GMCL1: variants seen among roughly 807,000 people sequenced by gnomAD.
The protein encoded by GMCL1 is germ cell-less protein-like 1.
In GMCL1, 54 loss-of-function variants were observed where a neutral mutation model predicts 75.5. That is an observed-to-expected ratio of 0.71 (90% confidence interval 0.57 to 0.90). GMCL1 has a LOEUF of 0.90. Ranked by LOEUF, GMCL1 falls within the 40% of genes least tolerant of loss-of-function variation. The pLI is 0.00. For missense variants in GMCL1, 537 were observed against 622.7 expected (o/e 0.86, Z 1.47); for synonymous variants, 210 against 209.6 (o/e 1.00, Z -0.02).
intron 6 of GMCL1, among the ~76,000 whole-genome samples, chr2:69,845,468 G>T (rs1030741490): frequency 6.6e-6 from 1 of 152,186 alleles, no homozygotes; most frequent in Non-Finnish European, 1.5e-5. Context: ...AGAGATGGGG[G>T]CCTTGGTATG....
At chr2:69,844,249 C>T in intron 6 of GMCL1, 53 bp downstream of exon 6, 2 of 1,037,634 alleles carry the variant, frequency 1.9e-6, no homozygotes, top group Non-Finnish European at 2.9e-6. Flanking sequence ...TATTGTTTAT[C>T]ATTTGTTAAA....
chr2:69,869,926 CT>C, intron 12 of GMCL1, 62 bp downstream of exon 12: 1 of 1,528,092 alleles, frequency 6.5e-7, no homozygotes, highest in Non-Finnish European at 8.9e-7. Flanking sequence ...GAAATAAAAC[CT>C]TGATAATTTA....
chr2:69,878,686 T>C (rs898543645), intron 13 of GMCL1, among the ~76,000 whole-genome samples: 8 of 152,148 alleles, frequency 5.3e-5, no homozygotes, highest in Non-Finnish European at 7.4e-5. Context: ...CTGTGTATTA[T>C]CTCTTGTAAT....
intron 1 of GMCL1, among the ~76,000 whole-genome samples, chr2:69,833,558 G>C (rs937033070): frequency 1.7e-4 from 26 of 152,362 alleles, no homozygotes; most frequent in South Asian, 6.2e-4. Flanking sequence ...GGAGGTTGTA[G>C]TGAGCCAAGA....
At chr2:69,865,835 C>T (rs1332406206) in intron 11 of GMCL1, among the ~76,000 whole-genome samples, 3 of 152,000 alleles carry the variant, frequency 2.0e-5, no homozygotes, top group Non-Finnish European at 4.4e-5. Context: ...AGTGGCGTGA[C>T]CACAGCTCAC....
chr2:69,839,433 C>T (rs368708465), intron 2 of GMCL1, 24 bp from the exon 3 acceptor site: 66 of 1,382,826 alleles, frequency 4.8e-5, no homozygotes, highest in South Asian at 4.0e-4. Flanking sequence ...ACTTGATAAT[C>T]GTTGACTTTT....
At chr2:69,834,292 A>T (rs537178045) in intron 1 of GMCL1, among the ~76,000 whole-genome samples, 1 of 152,114 alleles carries the variant, frequency 6.6e-6, no homozygotes, top group African/African-American at 2.4e-5. Flanking sequence ...TCCTGTTCCA[A>T]TCTGGATTTG....
chr2:69,836,171 A>T (rs552368620), intron 1 of GMCL1, among the ~76,000 whole-genome samples: 3 of 152,246 alleles, frequency 2.0e-5, no homozygotes, highest in African/African-American at 7.2e-5. Flanking sequence ...ATGGGCAGAT[A>T]AGCTTAGCCT....
At chr2:69,858,199 G>A (rs1420393019) in intron 9 of GMCL1, among the ~76,000 whole-genome samples, 1 of 152,122 alleles carries the variant, frequency 6.6e-6, no homozygotes, top group East Asian at 1.9e-4. Context: ...CAGGTGGGTA[G>A]AGACAGAGTC....
intron 1 of GMCL1, among the ~76,000 whole-genome samples, chr2:69,836,123 C>T (rs1399898457): frequency 1.3e-5 from 2 of 152,174 alleles, no homozygotes; most frequent in Non-Finnish European, 2.9e-5. Context: ...GCCTTTGTTT[C>T]CCTGAGACCT....
rs930778885 is a variant in GMCL1, at chr2:69,854,710, T to G, written c.935-113T>G. On this transcript the variant is annotated intron_variant, in intron 8 of 13. Transcript: ENST00000282570. ...ATAAAATTCTTGAGAACTTTAAAAC[T>G]AGCTTATTTTGTATTCTAATAGACA... is the stretch of plus-strand genomic sequence containing the variant. 3.9e-6 allele frequency: 3 copies of G among 776,540 alleles called. No individual in the cohort carries two copies. The South Asian group carries it at 6.4e-5, about 17-fold the overall frequency. 48.1% of individuals were successfully genotyped at this position (776,540 alleles called of 1,614,324 possible).
chr2:69,867,298 A>C (rs1384699846), intron 11 of GMCL1, among the ~76,000 whole-genome samples: 2 of 151,882 alleles, frequency 1.3e-5, no homozygotes, highest in Admixed American at 1.3e-4. Context: ...TGATTTCAAT[A>C]TCTCTGTTCC....
At chr2:69,871,710 C>G in intron 12 of GMCL1, 35 bp from the exon 13 acceptor site, 1 of 1,137,632 alleles carries the variant, frequency 8.8e-7, no homozygotes, top group South Asian at 1.4e-5. Flanking sequence ...GTTTAAAAAT[C>G]TTGTGTTTAT....
chr2:69,843,053 T>G, intron 4 of GMCL1, 96 bp from the exon 5 acceptor site: 4 of 240,548 alleles, frequency 1.7e-5, no homozygotes, highest in Non-Finnish European at 1.3e-5. Context: ...TTCTTTCTTC[T>G]TTTTTTTTTT....
At chr2:69,878,731 C>G (rs1166857261) in intron 13 of GMCL1, among the ~76,000 whole-genome samples, 178 bp from the exon 14 acceptor site, 1 of 152,156 alleles carries the variant, frequency 6.6e-6, no homozygotes, top group Non-Finnish European at 1.5e-5. Flanking sequence ...CTGTCCCCAT[C>G]TTACAGTGAG....
chr2:69,843,371 G>T, intron 5 of GMCL1, 110 bp downstream of exon 5: 1 of 581,770 alleles, frequency 1.7e-6, no homozygotes. Context: ...GGAAAAATAG[G>T]ATAGGGGGAT....
chr2:69,869,949 G>T, intron 12 of GMCL1, 85 bp downstream of exon 12: 1 of 1,373,060 alleles, frequency 7.3e-7, no homozygotes. Context: ...ACCAACATTA[G>T]TAGAACTTTG....
chr2:69,847,628 G>T lies in GMCL1; in HGVS notation c.843+1G>T, dbSNP rs777044181. On this transcript the variant is annotated splice_donor_variant, in intron 7 of 13. Coordinates refer to ENST00000282570, the MANE Select transcript of GMCL1 (RefSeq NM_178439.5). LOFTEE classifies it high-confidence loss of function. ...GGATATATACACTGCTCTAAAAAAG[G>T]TACTGACGTAATATGATGTCATATT... is the stretch of plus-strand genomic sequence containing the variant. 6.3e-7 allele frequency: 1 copy of T among 1,576,722 alleles called. No homozygotes were observed. Among genetic ancestry groups the T allele is most frequent in the South Asian group, 1.1e-5 (1 of 90,194 alleles).
At position 69,854,679 on chromosome 2, in the gene GMCL1, A is replaced by C; in HGVS notation, c.935-144A>C. 4 of 630,086 alleles carry C rather than the reference A, an allele frequency of 6.3e-6. No individual in the cohort carries two copies. The South Asian group carries it at 9.3e-5, about 15-fold the overall frequency. 39.0% of individuals were successfully genotyped at this position (630,086 alleles called of 1,614,324 possible). A position where few individuals can be genotyped will look rare whatever the true frequency, so the allele number is the denominator to read the frequency against. On this transcript the variant is annotated intron_variant, in intron 8 of 13. Coordinates refer to ENST00000282570, the MANE Select transcript of GMCL1 (RefSeq NM_178439.5). ...CCTTATGTTCTTATCTGTAAACCTA[A>C]GGTTTATAAAATTCTTGAGAACTTT... is the stretch of plus-strand genomic sequence containing the variant.
Sources: allele counts gnomAD v4.1 joint callset (sites outside exome capture counted in the v4.1 genomes callset), GRCh38; gene constraint gnomAD v4.1.1; transcripts MANE v1.5; gene names NCBI Gene and HGNC (gene_info 2026-07-23, HGNC 2026-07-21).